FAT3: variants seen among roughly 807,000 people sequenced by gnomAD.
FAT3 encodes protocadherin Fat 3.
Under a neutral mutation model 310.2 loss-of-function variants are expected in FAT3, and 95 were observed. The observed-to-expected ratio is 0.31, with a 90% confidence interval of 0.26 to 0.36. The LOEUF (loss-of-function observed/expected upper bound fraction) is 0.36. FAT3 is among the 10% of genes least tolerant of loss of function. The pLI, the probability that FAT3 is intolerant of heterozygous loss-of-function variation, is 1.00. For missense variants in FAT3, 5,408 were observed against 5,715.6 expected, an observed-to-expected ratio of 0.95 and a Z score of 1.74; for synonymous variants, 2,314 against 2,192.9, an observed-to-expected ratio of 1.06 and a Z score of -1.54.
At chr11:92,286,919 T>C (rs1946575354) in intron 1 of FAT3, among the ~76,000 whole-genome samples, 1 of 152,178 alleles carries the variant, frequency 6.6e-6, no homozygotes, top group Admixed American at 6.6e-5. Flanking sequence ...GATCTTCAGC[T>C]TTAAGAAGCT....
At chr11:92,536,888 A>G (rs1473456366) in intron 3 of FAT3, among the ~76,000 whole-genome samples, 1 of 152,144 alleles carries the variant, frequency 6.6e-6, no homozygotes, top group South Asian at 2.1e-4. Flanking sequence ...AAATTATATG[A>G]CACCTTGGAA....
At chr11:92,229,449 T>C (rs1046990551) in intron 1 of FAT3, among the ~76,000 whole-genome samples, 10 of 150,568 alleles carry the variant, frequency 6.6e-5, no homozygotes, top group African/African-American at 2.4e-4. Context: ...ACTCCTTTAA[T>C]AAGCTTTATT....
At chr11:92,719,896 G>A (rs561499056) in intron 4 of FAT3, among the ~76,000 whole-genome samples, 13 of 152,248 alleles carry the variant, frequency 8.5e-5, no homozygotes, top group African/African-American at 2.9e-4. Flanking sequence ...TCCCCTGTTT[G>A]GGGAAACCTG....
intron 3 of FAT3, among the ~76,000 whole-genome samples, chr11:92,568,071 G>A (rs1229656798): frequency 1.3e-5 from 2 of 151,972 alleles, no homozygotes; most frequent in African/African-American, 2.4e-5. Context: ...ATGCCATTCA[G>A]TCAATCCGCA....
At chr11:92,262,168 T>C (rs1362928917) in intron 1 of FAT3, among the ~76,000 whole-genome samples, 2 of 152,092 alleles carry the variant, frequency 1.3e-5, no homozygotes, top group East Asian at 3.9e-4. Context: ...TGACATTTCA[T>C]TGGAAATTGG....
At position 92,352,233 on chromosome 11, in the gene FAT3, T is replaced by G. The variant is rs1165706833; in HGVS notation, c.121T>G (p.Phe41Val). 7.2e-7 allele frequency: 1 copy of G among 1,391,386 alleles called. No homozygotes were observed. The highest frequency in any genetic ancestry group is 4.2e-5 in the East Asian group (1 of 23,636). 86.2% of individuals were successfully genotyped at this position (1,391,386 alleles called of 1,614,324 possible). Residue 41 changes from phenylalanine to valine, a missense_variant, in exon 2 of 28, where the codon TTC (phenylalanine) becomes GTC (valine). Coordinates refer to ENST00000525166, the MANE Select transcript of FAT3 (RefSeq NM_001367949.2). ...GCTGCCAGGGACTGGACCCCTGGGCTTCCACTTCACACATTCCATTTATAA... is the reference window on the plus strand; with the variant it reads ...GCTGCCAGGGACTGGACCCCTGGGCGTCCACTTCACACATTCCATTTATAA... The part of the protein sequence containing the change: ...QGLPGTGPLG[F>V]HFTHSIYNAT...
chr11:92,513,338 T>C (rs934245172), intron 2 of FAT3, among the ~76,000 whole-genome samples: 2 of 152,166 alleles, frequency 1.3e-5, no homozygotes, highest in Non-Finnish European at 2.9e-5. Flanking sequence ...CAATGATTTC[T>C]GTGAAGGCAT....
At chr11:92,604,264 C>T (rs1940169668) in intron 3 of FAT3, among the ~76,000 whole-genome samples, 1 of 152,096 alleles carries the variant, frequency 6.6e-6, no homozygotes, top group South Asian at 2.1e-4. Context: ...TATATATGGA[C>T]CAGTTTGCTG....
chr11:92,309,206 C>T (rs1353560931), intron 1 of FAT3, among the ~76,000 whole-genome samples: 1 of 139,744 alleles, frequency 7.2e-6, no homozygotes, highest in African/African-American at 2.7e-5. Context: ...AAAACTGCTG[C>T]CCCAGAGTGC....
intron 1 of FAT3, among the ~76,000 whole-genome samples, chr11:92,237,908 A>T (rs1864497155): frequency 6.6e-6 from 1 of 152,166 alleles, no homozygotes; most frequent in African/African-American, 2.4e-5. Context: ...GTGGGGAAAG[A>T]AGAAAATAGC....
chr11:92,651,139 TCTTTA>T (rs1375015756), intron 3 of FAT3, among the ~76,000 whole-genome samples: 2 of 152,226 alleles, frequency 1.3e-5, no homozygotes, highest in Non-Finnish European at 1.5e-5. Flanking sequence ...TCCAGCATCT[TCTTTA>T]CTTTACAGCC....
rs537266045 is a variant in FAT3, at chr11:92,677,172, G to A, written c.3608-20212G>A. ...TTAGATGTTTAGCCTTGTTCTCTGCGCTCTAGAGCTTTTTCCATTTTCTTT... is the reference window on the plus strand; with the variant it reads ...TTAGATGTTTAGCCTTGTTCTCTGCACTCTAGAGCTTTTTCCATTTTCTTT... On this transcript the variant is annotated intron_variant, in intron 3 of 27. Coordinates refer to ENST00000525166, the MANE Select transcript of FAT3 (RefSeq NM_001367949.2). 2.2e-4 allele frequency among the ~76,000 whole-genome samples: 33 copies of A among 152,262 alleles called. No homozygotes were observed. The South Asian group carries it at 4.8e-3, about 22-fold the overall frequency.
intron 22 of FAT3, among the ~76,000 whole-genome samples, chr11:92,872,633 T>C (rs757521984): frequency 7.2e-5 from 11 of 152,200 alleles, no homozygotes; most frequent in Non-Finnish European, 1.6e-4. Flanking sequence ...TGCAGATACA[T>C]ACTAGAAGGT....
chr11:92,815,797 A>C (rs1411525175), intron 13 of FAT3, among the ~76,000 whole-genome samples: 1 of 152,200 alleles, frequency 6.6e-6, no homozygotes, highest in Non-Finnish European at 1.5e-5. Context: ...ACATGGGGAC[A>C]CATTGGGAAT....
chr11:92,270,591 C>A (rs113941127), intron 1 of FAT3, among the ~76,000 whole-genome samples: 33 of 151,874 alleles, frequency 2.2e-4, no homozygotes, highest in Non-Finnish European at 4.4e-5. Flanking sequence ...GAGGCTGAGA[C>A]AGGAGAATCA....
chr11:92,349,903 T>C (rs934266257), intron 1 of FAT3, among the ~76,000 whole-genome samples: 2 of 151,858 alleles, frequency 1.3e-5, no homozygotes, highest in African/African-American at 2.4e-5. Context: ...CAGCAAGATA[T>C]CTTACATTCC....
chr11:92,835,776 A>G (rs1948390703), intron 15 of FAT3, among the ~76,000 whole-genome samples: 1 of 152,214 alleles, frequency 6.6e-6, no homozygotes. Flanking sequence ...AATTTGGAGC[A>G]AACCTAAGAT....
chr11:92,335,962 T>G, intron 1 of FAT3: 1 of 395,198 alleles, frequency 2.5e-6, no homozygotes, highest in Non-Finnish European at 4.8e-6. Context: ...TTTCAGCCCC[T>G]TTAATTAGGT....
At chr11:92,525,466 A>C (rs1482019825) in intron 3 of FAT3, among the ~76,000 whole-genome samples, 2 of 152,152 alleles carry the variant, frequency 1.3e-5, no homozygotes, top group African/African-American at 4.8e-5. Flanking sequence ...TATAACTTCA[A>C]TTTTCTGGTC....
Sources: allele counts gnomAD v4.1 joint callset (sites outside exome capture counted in the v4.1 genomes callset), GRCh38; gene constraint gnomAD v4.1.1; transcripts MANE v1.5; gene names NCBI Gene and HGNC (gene_info 2026-07-23, HGNC 2026-07-21).